Variants in PACSIN2 observed in about 807,000 individuals in gnomAD.
The protein encoded by PACSIN2 is protein kinase C and casein kinase substrate in neurons protein 2.
Under a neutral mutation model 63.8 loss-of-function variants are expected in PACSIN2, and 25 were observed. The observed-to-expected ratio is 0.39, with a 90% CI of 0.29 to 0.55. The LOEUF (loss-of-function observed/expected upper bound fraction) is 0.55, where lower values mean the gene tolerates loss of function less well. Ranked by LOEUF, PACSIN2 falls within the 20% of genes least tolerant of loss-of-function variation. PACSIN2 has a pLI of 0.62. For synonymous variants in PACSIN2, 255 were observed against 256.2 expected (o/e 1.00, Z 0.05); for missense variants, 518 against 646.9 (o/e 0.80, Z 2.16).
chr22:42,924,069 A>C (rs1161433092), intron 1 of PACSIN2, among the ~76,000 whole-genome samples: 4 of 150,282 alleles, frequency 2.7e-5, no homozygotes, highest in African/African-American at 9.8e-5. Context: ...AAAATCCTGG[A>C]GAATACCCGA....
intron 2 of PACSIN2, among the ~76,000 whole-genome samples, chr22:42,897,045 T>C (rs2146684644): frequency 6.6e-6 from 1 of 152,246 alleles, no homozygotes; most frequent in East Asian, 1.9e-4. Flanking sequence ...CAAGTGATCC[T>C]CCCACCTCAG....
At chr22:42,900,408 T>A (rs1338115421) in intron 2 of PACSIN2, among the ~76,000 whole-genome samples, 15 of 152,316 alleles carry the variant, frequency 9.8e-5, no homozygotes. Flanking sequence ...CAGTTTTACA[T>A]GCCACCCCAC....
intron 1 of PACSIN2, among the ~76,000 whole-genome samples, chr22:42,987,618 G>A (rs1922727757): frequency 7.4e-6 from 1 of 135,400 alleles, no homozygotes; most frequent in African/African-American, 2.8e-5. Context: ...TGCAACCTCC[G>A]CCTCCCGGGT....
At chr22:42,995,069 T>C (rs1360560166) in intron 1 of PACSIN2, among the ~76,000 whole-genome samples, 1 of 152,216 alleles carries the variant, frequency 6.6e-6, no homozygotes, top group Non-Finnish European at 1.5e-5. Context: ...AAGGGGACAA[T>C]GTCCCCCCTC....
At chr22:43,002,091 C>A (rs548958509) in intron 1 of PACSIN2, among the ~76,000 whole-genome samples, 1 of 152,304 alleles carries the variant, frequency 6.6e-6, no homozygotes, top group Admixed American at 6.5e-5. Flanking sequence ...CAAGCAAGCA[C>A]CAGTGCTATA....
Position 42,871,458 on chromosome 22 carries a change from TCAG to T in PACSIN2, c.1357_1359del (p.Leu453del). The T allele has an allele frequency of 6.2e-7, 1 of 1,613,584 alleles. No homozygotes were observed. The highest frequency in any genetic ancestry group is 8.5e-7 in the Non-Finnish European group (1 of 1,179,480). ...TGCTCATCCTCGTCCTCCATCTTGG[TCAG>T]CTCATCCCCTGCAAGACAAAGAGGG... is the stretch of plus-strand genomic sequence containing the variant. On this transcript the variant is annotated inframe_deletion, in exon 11 of 11. Coordinates refer to ENST00000263246, the MANE Select transcript of PACSIN2 (RefSeq NM_001184970.3). This position sits in a 1 kb window ranked among gnomAD's most constrained non-coding sequence, Gnocchi z 5.4.
At chr22:42,906,716 G>A (rs925420701) in intron 2 of PACSIN2, among the ~76,000 whole-genome samples, 1 of 152,170 alleles carries the variant, frequency 6.6e-6, no homozygotes, top group Non-Finnish European at 1.5e-5. Flanking sequence ...GCAGCAGCCT[G>A]TTCAGAAATC....
intron 1 of PACSIN2, among the ~76,000 whole-genome samples, chr22:42,920,610 G>GC (rs1932118905): frequency 6.6e-6 from 1 of 151,978 alleles, no homozygotes; most frequent in Non-Finnish European, 1.5e-5. Flanking sequence ...AAACAAGGCC[G>GC]CACCGCCCAT....
chr22:42,929,370 T>C (rs974324422), intron 1 of PACSIN2, among the ~76,000 whole-genome samples: 2 of 152,230 alleles, frequency 1.3e-5, no homozygotes, highest in Non-Finnish European at 2.9e-5. Context: ...ATTTGTATCT[T>C]GCAAAACCAG....
intron 1 of PACSIN2, among the ~76,000 whole-genome samples, chr22:42,943,003 T>C (rs1408738836): frequency 1.3e-5 from 2 of 152,258 alleles, no homozygotes; most frequent in Admixed American, 6.5e-5. Flanking sequence ...ATCTGAACTA[T>C]GTGAAGTCTT....
At chr22:42,949,267 A>C (rs1052407335) in intron 1 of PACSIN2, among the ~76,000 whole-genome samples, 5 of 152,230 alleles carry the variant, frequency 3.3e-5, no homozygotes, top group African/African-American at 1.2e-4. Flanking sequence ...GTGCCTGAAA[A>C]TGTCAGTCTC....
At chr22:43,014,826 C>A (rs1250108373) in intron 1 of PACSIN2, among the ~76,000 whole-genome samples, 195 bp downstream of exon 1, 4 of 151,458 alleles carry the variant, frequency 2.6e-5, no homozygotes, top group Non-Finnish European at 5.9e-5. Flanking sequence ...CTCCAGGCGC[C>A]CCCCGGGGCC....
chr22:43,004,136 G>A (rs963895981), intron 1 of PACSIN2, among the ~76,000 whole-genome samples: 27 of 152,204 alleles, frequency 1.8e-4, no homozygotes, highest in Admixed American at 1.7e-3. Context: ...CCAGCCAGAG[G>A]AGGTGAAATG....
At chr22:42,885,663 G>C (rs1929421636) in intron 5 of PACSIN2, among the ~76,000 whole-genome samples, 1 of 152,118 alleles carries the variant, frequency 6.6e-6, no homozygotes, top group Non-Finnish European at 1.5e-5. Context: ...TCTGCTTCAG[G>C]CTCCAAAGCA....
In PACSIN2 at chr22:42,884,395, T is replaced by A. The variant is rs371422883; in HGVS notation, c.776A>T (p.Asn259Ile). 4.6e-5 allele frequency: 74 copies of A among 1,611,746 alleles called. No homozygotes were observed. Among genetic ancestry groups the A allele is most frequent in the Admixed American group, 8.5e-5 (5 of 59,152 alleles). ...LEVQKHLDLS[N>I]VAGYKAIYHD... ...CTCAAAGGAAACTTACCCAGCCACA[T>A]TGGACAGGTCTAGGTGCTTCTGAAC... Residue 259 changes from asparagine to isoleucine, a missense_variant, in exon 6 of 11, where the codon AAT (asparagine) becomes ATT (isoleucine). Around this residue, in one of 2 missense-constraint regions of PACSIN2, gnomAD observed 507 missense variants for 612.3 expected, o/e 0.83. Transcript: ENST00000263246.
intron 2 of PACSIN2, among the ~76,000 whole-genome samples, chr22:42,909,261 C>T (rs2146714568): frequency 6.6e-6 from 1 of 152,306 alleles, no homozygotes; most frequent in South Asian, 2.1e-4. Context: ...CCAAAGGCTC[C>T]TGGAGGACAG....
chr22:42,964,501 T>G (rs1477645627), intron 1 of PACSIN2, among the ~76,000 whole-genome samples: 2 of 151,694 alleles, frequency 1.3e-5, no homozygotes, highest in East Asian at 3.9e-4. Context: ...CAGATTGCAG[T>G]TCTGCGCTCG....
In PACSIN2 at chr22:42,876,865, AGAG is replaced by A; in HGVS notation, c.1151+20_1151+22del. ...GAGACAGAGTGAGCGCGGTGGGAGC[AGAG>A]GAAGCATTTGTTCACCAACTTTTTG... On this transcript the variant is annotated intron_variant, in intron 9 of 10. Coordinates refer to ENST00000263246, the MANE Select transcript of PACSIN2 (RefSeq NM_001184970.3). The A allele has an allele frequency of 6.2e-7, 1 of 1,613,852 alleles. No homozygotes were observed. Among genetic ancestry groups the A allele is most frequent in the South Asian group, 1.1e-5 (1 of 91,058 alleles).
chr22:42,955,893 A>G (rs190158163), intron 1 of PACSIN2, among the ~76,000 whole-genome samples: 153 of 152,370 alleles, frequency 1.0e-3, no homozygotes, highest in Non-Finnish European at 7.9e-4. Context: ...GAGAAGATAG[A>G]GAAGTCATTT....
Sources: gnomAD v4.1 joint callset for allele counts (sites outside exome capture counted in the v4.1 genomes callset) on GRCh38, gnomAD v4.1.1 for gene constraint, gnomAD v4.1.1 regional missense constraint, Gnocchi (gnomAD v3.1) non-coding constraint, MANE v1.5 for transcripts, NCBI Gene and HGNC (gene_info 2026-07-23, HGNC 2026-07-21) for gene names.